Variants in RASGRF2 observed in about 807,000 individuals in gnomAD.
RASGRF2 encodes Ras protein specific guanine nucleotide releasing factor 2.
Under a neutral mutation model 151.0 loss-of-function variants are expected in RASGRF2, and 76 were observed. That is an observed-to-expected ratio of 0.50 (90% confidence interval 0.42 to 0.61). The LOEUF (loss-of-function observed/expected upper bound fraction) is 0.61, where lower values mean the gene tolerates loss of function less well. Ranked by LOEUF, RASGRF2 falls within the 20% of genes least tolerant of loss-of-function variation. The probability of loss-of-function intolerance (pLI) is 0.00; values close to 1 mark genes in which losing one functional copy is unlikely to be tolerated. For missense variants in RASGRF2, 1,148 were observed against 1,564.6 expected, an observed-to-expected ratio of 0.73 and a Z score of 4.49; for synonymous variants, 504 against 566.5, an observed-to-expected ratio of 0.89 and a Z score of 1.57.
At chr5:81,010,040 C>G (rs1749405594) in intron 1 of RASGRF2, among the ~76,000 whole-genome samples, 1 of 151,730 alleles carries the variant, frequency 6.6e-6, no homozygotes, top group Non-Finnish European at 1.5e-5. Context: ...CCTGTAGTTC[C>G]AGCTACTCGG....
chr5:81,003,591 G>T (rs539374934), intron 1 of RASGRF2, among the ~76,000 whole-genome samples: 1 of 151,744 alleles, frequency 6.6e-6, no homozygotes, highest in Non-Finnish European at 1.5e-5. Context: ...TGAACTCCTG[G>T]CCTCAAGTGA....
chr5:81,091,873 TATG>T (rs1752399190), intron 9 of RASGRF2, among the ~76,000 whole-genome samples: 1 of 152,178 alleles, frequency 6.6e-6, no homozygotes, highest in East Asian at 1.9e-4. Flanking sequence ...CTGAGGGTAA[TATG>T]AGCCTGCAGA....
In RASGRF2 at chr5:81,039,186, T is replaced by A. The variant is rs1000658016; in HGVS notation, c.289-3691T>A. ...TTTTCTCCTTAGCCTATTCATATGGTAAGTTATATTAAAAGATTTCCTAGT... is the reference window on the plus strand; with the variant it reads ...TTTTCTCCTTAGCCTATTCATATGGAAAGTTATATTAAAAGATTTCCTAGT... On this transcript the variant is annotated intron_variant, in intron 1 of 26. Transcript: ENST00000265080. Among the ~76,000 whole-genome samples, 23 of 152,296 alleles carry A rather than the reference T, an allele frequency of 1.5e-4. 1 individual carries two copies. Among genetic ancestry groups the A allele is most frequent in the Middle Eastern group, 3.4e-3 (1 of 294 alleles).
rs186700471 is a variant in RASGRF2 at position 81,112,992 on chromosome 5, C to T, written c.2087+134C>T. 96 of 1,175,960 alleles carry T rather than the reference C, an allele frequency of 8.2e-5. No individual in the cohort carries two copies. The African/African-American group carries it at 1.3e-3, about 16-fold the overall frequency. The allele number at this position is 1,175,960 out of a possible 1,614,324, so 72.8% of individuals were successfully genotyped here. A position where few individuals can be genotyped will look rare whatever the true frequency, so the allele number is the denominator to read the frequency against. On this transcript the variant is annotated intron_variant, in intron 14 of 26. Coordinates refer to ENST00000265080, the MANE Select transcript of RASGRF2 (RefSeq NM_006909.3). ...CTAGCTTGCCTCTGAATGTACCATG[C>T]CCCTCCAGCAGAAGGCCATATGTAA...
At chr5:81,128,408 A>G (rs1561221485) in intron 17 of RASGRF2, among the ~76,000 whole-genome samples, 1 of 152,326 alleles carries the variant, frequency 6.6e-6, no homozygotes, top group Non-Finnish European at 1.5e-5. Context: ...ATAAAAAATA[A>G]TCAAATAAAT....
chr5:81,200,431 C>T (rs1371937384), intron 18 of RASGRF2, among the ~76,000 whole-genome samples: 1 of 152,094 alleles, frequency 6.6e-6, no homozygotes, highest in East Asian at 1.9e-4. Context: ...CTCATATTGT[C>T]CCAACTTTCC....
intron 16 of RASGRF2, among the ~76,000 whole-genome samples, chr5:81,126,428 T>C (rs186731841): frequency 1.3e-5 from 2 of 152,322 alleles, no homozygotes; most frequent in African/African-American, 4.8e-5. Flanking sequence ...TATAGTTCAG[T>C]CTTTTTTTAA....
intron 5 of RASGRF2, among the ~76,000 whole-genome samples, chr5:81,075,602 A>G (rs1295778460): frequency 2.0e-5 from 3 of 152,204 alleles, no homozygotes; most frequent in Non-Finnish European, 4.4e-5. Flanking sequence ...CAAAAAGGTA[A>G]GATTGCAACG....
intron 9 of RASGRF2, among the ~76,000 whole-genome samples, chr5:81,090,848 C>T (rs1188038368): frequency 2.0e-5 from 3 of 152,058 alleles, no homozygotes; most frequent in Non-Finnish European, 4.4e-5. Flanking sequence ...TTGCTAGAAG[C>T]ATTTACTAAC....
intron 26 of RASGRF2, among the ~76,000 whole-genome samples, chr5:81,223,824 C>T (rs1176610610): frequency 2.6e-5 from 4 of 151,994 alleles, no homozygotes; most frequent in Non-Finnish European, 1.5e-5. Flanking sequence ...GGCTCTCCAT[C>T]TTACCATTCA....
chr5:81,084,912 G>A (rs1411047138), intron 7 of RASGRF2, among the ~76,000 whole-genome samples: 1 of 152,164 alleles, frequency 6.6e-6, no homozygotes, highest in Non-Finnish European at 1.5e-5. Context: ...TTACTGTGAG[G>A]CCACCAATGG....
At chr5:81,185,370 A>AT (rs1755004124) in intron 18 of RASGRF2, among the ~76,000 whole-genome samples, 1 of 152,190 alleles carries the variant, frequency 6.6e-6, no homozygotes, top group South Asian at 2.1e-4. Flanking sequence ...AGTGAACCAG[A>AT]TGGGTCCATG....
Position 81,123,771 on chromosome 5 carries a change from A to C in RASGRF2, c.2596+4A>C. 6.2e-7 allele frequency: 1 copy of C among 1,610,626 alleles called. No homozygotes were observed. The highest frequency in any genetic ancestry group is 8.5e-7 in the Non-Finnish European group (1 of 1,178,626). On this transcript the variant is annotated splice_donor_region_variant and intron_variant, in intron 16 of 26. Coordinates refer to ENST00000265080, the MANE Select transcript of RASGRF2 (RefSeq NM_006909.3). ...CTCCGCTATCGACAGCCTGGAGGTA[A>C]GAGCTCAAGAGGGACTCAGAAATAG...
At chr5:81,059,600 A>C (rs1362707702) in intron 2 of RASGRF2, among the ~76,000 whole-genome samples, 3 of 151,782 alleles carry the variant, frequency 2.0e-5, no homozygotes. Flanking sequence ...TAATCCCAGC[A>C]CTCTGGGAGG....
chr5:80,984,930 G>T (rs1021031118), intron 1 of RASGRF2, among the ~76,000 whole-genome samples: 1 of 152,186 alleles, frequency 6.6e-6, no homozygotes, highest in South Asian at 2.1e-4. Context: ...TCTGAAAGAG[G>T]CCTGTGTAGT....
At chr5:81,068,336 A>G (rs1036111295) in intron 3 of RASGRF2, among the ~76,000 whole-genome samples, 157 bp downstream of exon 3, 24 of 151,654 alleles carry the variant, frequency 1.6e-4, no homozygotes, top group African/African-American at 5.6e-4. Flanking sequence ...CATGAATCTA[A>G]TGTCTATATT....
At position 81,094,283 on chromosome 5, in the gene RASGRF2, G is replaced by T. The variant is rs753224650; in HGVS notation, c.1552-13G>T. 2 of 1,610,740 alleles carry T rather than the reference G, an allele frequency of 1.2e-6. No homozygotes were observed. Among genetic ancestry groups the T allele is most frequent in the Non-Finnish European group, 1.7e-6 (2 of 1,177,910 alleles). On this transcript the variant is annotated splice_polypyrimidine_tract_variant and intron_variant, in intron 10 of 26. Coordinates refer to ENST00000265080, the MANE Select transcript of RASGRF2 (RefSeq NM_006909.3). ...ACCTTCAGCGTCTTAGTGAAAAATT[G>T]GTTTGTTTCCAGACAGGTGGGGTTC...
intron 18 of RASGRF2, among the ~76,000 whole-genome samples, chr5:81,184,470 C>T (rs1273592209): frequency 6.6e-6 from 1 of 152,178 alleles, no homozygotes; most frequent in Non-Finnish European, 1.5e-5. Context: ...TCCTCAATTA[C>T]CGTATTGACC....
intron 1 of RASGRF2, among the ~76,000 whole-genome samples, chr5:80,983,529 A>C (rs1406840933): frequency 6.6e-6 from 1 of 152,250 alleles, no homozygotes; most frequent in Non-Finnish European, 1.5e-5. Context: ...CTAGGCAAAC[A>C]GTGCTATTTA....
Sources: gnomAD v4.1 joint callset for allele counts (sites outside exome capture counted in the v4.1 genomes callset) on GRCh38, gnomAD v4.1.1 for gene constraint, MANE v1.5 for transcripts, NCBI Gene and HGNC (gene_info 2026-07-23, HGNC 2026-07-21) for gene names.